NBPF12: variants seen among roughly 807,000 people sequenced by gnomAD.
NBPF12 encodes NBPF family member NBPF12.
NBPF12 carries 115 observed loss-of-function variants against 146.4 expected under a neutral mutation model. The ratio of observed to expected loss-of-function variants is 0.79; its 90% CI spans 0.68 to 0.92. The LOEUF (loss-of-function observed/expected upper bound fraction) is 0.92, where lower values mean the gene tolerates loss of function less well. Ranked by LOEUF, NBPF12 falls within the 40% of genes least tolerant of loss-of-function variation. NBPF12 has a pLI of 0.00. For missense variants in NBPF12, 1,205 were observed against 1,326.8 expected, an observed-to-expected ratio of 0.91 and a Z score of 1.43; for synonymous variants, 385 against 508.9, an observed-to-expected ratio of 0.76 and a Z score of 3.28.
intron 23 of NBPF12, among the ~76,000 whole-genome samples, 194 bp from the exon 27 acceptor site, chr1:146,986,158 T>C (rs1570892771): frequency 6.9e-6 from 1 of 145,012 alleles, no homozygotes; most frequent in East Asian, 2.1e-4. Flanking sequence ...TCTCTCCCTC[T>C]CCCTGTCTTC....
At chr1:146,962,123 G>A in intron 4 of NBPF12, 38 bp from the exon 8 acceptor site, 2 of 1,602,626 alleles carry the variant, frequency 1.2e-6, no homozygotes, top group South Asian at 1.1e-5. Context: ...AGCATGTCCA[G>A]CCTTCCACTG....
intron 4 of NBPF12, among the ~76,000 whole-genome samples, chr1:146,961,197 G>C (rs1237339592): frequency 2.6e-5 from 4 of 151,878 alleles, no homozygotes; most frequent in Non-Finnish European, 5.9e-5. Flanking sequence ...AAAAAGCAGA[G>C]AGTACCTTGG....
intron 9 of NBPF12, among the ~76,000 whole-genome samples, chr1:146,967,659 A>G (rs1165925795): frequency 6.7e-6 from 1 of 150,148 alleles, no homozygotes; most frequent in African/African-American, 2.5e-5. Context: ...CAGAGCAGGG[A>G]CCGTGGGCCT....
At chr1:146,962,750 C>T (rs1433394440) in intron 5 of NBPF12, among the ~76,000 whole-genome samples, 25 of 148,154 alleles carry the variant, frequency 1.7e-4, no homozygotes, top group African/African-American at 5.8e-4. Context: ...CTAGTGGCCG[C>T]AAGATGCACT....
chr1:146,961,612 C>G (rs1395555596), intron 4 of NBPF12, among the ~76,000 whole-genome samples: 1 of 148,314 alleles, frequency 6.7e-6, no homozygotes, highest in Non-Finnish European at 1.5e-5. Flanking sequence ...GGGCATATTT[C>G]CTTCATGGCC....
chr1:146,994,110 G>A (rs1266383225), intron 33 of NBPF12, among the ~76,000 whole-genome samples: 4 of 112,792 alleles, frequency 3.5e-5, no homozygotes, highest in Non-Finnish European at 5.1e-5. Context: ...CTCTGTCTCT[G>A]TCTCTGTCTC....
intron 9 of NBPF12, among the ~76,000 whole-genome samples, chr1:146,967,880 G>C (rs1243701791): frequency 2.1e-5 from 3 of 145,560 alleles, no homozygotes; most frequent in African/African-American, 5.2e-5. Context: ...AACTTCATTA[G>C]CATTTGGGCA....
At chr1:146,981,747 A>G (rs1345009797) in intron 19 of NBPF12, among the ~76,000 whole-genome samples, 1 of 151,406 alleles carries the variant, frequency 6.6e-6, no homozygotes, top group African/African-American at 2.4e-5. Context: ...AGGCTTGTTC[A>G]TTTCTTTTTA....
At chr1:146,952,689 C>T (rs1449467454) in intron 2 of NBPF12, among the ~76,000 whole-genome samples, 2 of 147,972 alleles carry the variant, frequency 1.4e-5, no homozygotes, top group African/African-American at 2.5e-5. Context: ...CATTTCCATC[C>T]TGTCTTACGC....
At chr1:146,979,198 T>C (rs1553887730) in intron 19 of NBPF12, among the ~76,000 whole-genome samples, 188 bp downstream of exon 22, 2 of 118,812 alleles carry the variant, frequency 1.7e-5, no homozygotes, top group African/African-American at 3.5e-5. Context: ...CCTCTCAAGA[T>C]AGGAACTTGC....
chr1:146,993,484 T>C, intron 32 of NBPF12, 115 bp from the exon 36 acceptor site: 1 of 68,858 alleles, frequency 1.5e-5, no homozygotes, highest in Admixed American at 2.8e-4. Flanking sequence ...TCTCTCACAG[T>C]GTCCTATTCT....
At chr1:146,984,613 G>C (rs1403521256) in intron 21 of NBPF12, among the ~76,000 whole-genome samples, 200 bp from the exon 25 acceptor site, 1 of 82,462 alleles carries the variant, frequency 1.2e-5, no homozygotes, top group East Asian at 4.7e-4. Context: ...GTGTGTGTGT[G>C]TGTGTGTGTG....
intron 4 of NBPF12, among the ~76,000 whole-genome samples, chr1:146,961,901 C>T (rs1229445348): frequency 1.3e-5 from 2 of 152,130 alleles, no homozygotes; most frequent in Non-Finnish European, 2.9e-5. Context: ...TGAGTTCTGA[C>T]TCCACTTCGT....
At chr1:146,973,819 A>G (rs1409441119) in intron 14 of NBPF12, among the ~76,000 whole-genome samples, 9 of 146,958 alleles carry the variant, frequency 6.1e-5, no homozygotes, top group Non-Finnish European at 1.0e-4. Flanking sequence ...AAATAAGAAT[A>G]AAAAGCAGAG....
chr1:146,948,017 C>T (rs1233617993), upstream of NBPF12, among the ~76,000 whole-genome samples: 1 of 151,930 alleles, frequency 6.6e-6, no homozygotes, highest in African/African-American at 2.4e-5. Context: ...TTTATTTTAT[C>T]TCTTTTTTTG....
intron 13 of NBPF12, among the ~76,000 whole-genome samples, chr1:146,971,779 G>A (rs1237994883): frequency 6.6e-6 from 1 of 150,766 alleles, no homozygotes; most frequent in Admixed American, 6.6e-5. Context: ...GCTTGTCTTA[G>A]CTATTAATAA....
Position 146,992,725 on chromosome 1 carries a change from C to CT in NBPF12, c.3863dup (p.Leu1289AlafsTer7), listed in dbSNP as rs1157713158. 1.5e-6 allele frequency: 1 copy of CT among 676,632 alleles called. No individual in the cohort carries two copies. Among genetic ancestry groups the CT allele is most frequent in the Non-Finnish European group, 2.7e-6 (1 of 374,528 alleles). The allele number at this position is 676,632 out of a possible 1,614,324, so 41.9% of individuals were successfully genotyped here. A position where few individuals can be genotyped will look rare whatever the true frequency, so the allele number is the denominator to read the frequency against. On this transcript the variant is annotated frameshift_variant, in exon 32 of 34. Transcript: ENST00000617844. LOFTEE classifies it high-confidence loss of function. ...CTCCTTTTCCAGGCTCAGCAGGGAG[C>CT]TGCTGGAGGTAGTAGAGCCTGAAGT...
At position 146,954,969 on chromosome 1, in the gene NBPF12, A is replaced by AATATAT. The variant is rs1171967177; in HGVS notation, c.-184+3520_-184+3525dup. 9.0e-3 allele frequency among the ~76,000 whole-genome samples: 480 copies of AATATAT among 53,418 alleles called. 3 individuals are homozygous for AATATAT. Among genetic ancestry groups the AATATAT allele is most frequent in the African/African-American group, 0.011 (166 of 14,492 alleles). 35.0% of individuals were successfully genotyped at this position (53,418 alleles called of 152,430 possible). On this transcript the variant is annotated intron_variant, in intron 2 of 33. Transcript: ENST00000617844. ...TGAAGATTATCATCTCCAAATAGGG[A>AATATAT]ATATATATATATATATATATATATA...
intron 31 of NBPF12, among the ~76,000 whole-genome samples, 194 bp from the exon 35 acceptor site, chr1:146,992,518 C>G (rs199928388): frequency 4.1e-4 from 45 of 108,502 alleles, no homozygotes; most frequent in African/African-American, 7.1e-4. Context: ...GTGTGTCTAT[C>G]TGTCTTTCTC....
Sources: gnomAD v4.1 joint callset for allele counts (sites outside exome capture counted in the v4.1 genomes callset) on GRCh38, gnomAD v4.1.1 for gene constraint, MANE v1.5 for transcripts, NCBI Gene and HGNC (gene_info 2026-07-23, HGNC 2026-07-21) for gene names.